The following ARHGAP35 variants were observed in gnomAD, a reference collection of about 807,000 sequenced individuals.
ARHGAP35 encodes rho GTPase-activating protein 35.
A neutral mutation model predicts 111.1 loss-of-function variants in ARHGAP35; 15 were observed. The observed-to-expected ratio is 0.13, with a 90% CI of 0.09 to 0.21. The LOEUF (loss-of-function observed/expected upper bound fraction) is 0.21. Ranked by LOEUF, ARHGAP35 falls within the 10% of genes least tolerant of loss-of-function variation. The pLI is 1.00. For missense variants in ARHGAP35, 1,262 were observed against 1,873.0 expected (o/e 0.67, Z 6.02); for synonymous variants, 643 against 710.3 (o/e 0.91, Z 1.51).
At chr19:46,947,799 G>C (rs1340420517) in intron 3 of ARHGAP35, 1 of 152,212 alleles carries the variant, frequency 6.6e-6, no homozygotes, top group Non-Finnish European at 1.5e-5. Flanking sequence ...GCTTCAAGCT[G>C]GGGTTCCCAT....
intron 3 of ARHGAP35, among the ~76,000 whole-genome samples, chr19:46,984,128 A>G (rs1170580858): frequency 6.6e-6 from 1 of 152,196 alleles, no homozygotes; most frequent in Non-Finnish European, 1.5e-5. Flanking sequence ...AAAGGCCTGC[A>G]GCCAAGGCTA....
At chr19:46,880,409 G>A (rs1599796398) in intron 1 of ARHGAP35, among the ~76,000 whole-genome samples, 1 of 152,260 alleles carries the variant, frequency 6.6e-6, no homozygotes, top group South Asian at 2.1e-4. Context: ...TCCAGCCTGG[G>A]CAACGAGTGA....
rs1419703468 is a variant in ARHGAP35, at chr19:46,926,790, G to A, written c.3681+4434G>A. On this transcript the variant is annotated intron_variant, in intron 2 of 6. Coordinates refer to ENST00000672722, the MANE Select transcript of ARHGAP35 (RefSeq NM_004491.5). This position sits in a 1 kb window ranked among gnomAD's most constrained non-coding sequence, Gnocchi z 4.1. ...TTGACAGTTTGTGTCCCCCCCTAGTGAATTGGCTTATTTCATTGGATTCAG... is the reference window on the plus strand; with the variant it reads ...TTGACAGTTTGTGTCCCCCCCTAGTAAATTGGCTTATTTCATTGGATTCAG... 6.6e-6 allele frequency among the ~76,000 whole-genome samples: 1 copy of A among 152,186 alleles called. No homozygotes were observed. Among genetic ancestry groups the A allele is most frequent in the Admixed American group, 6.5e-5 (1 of 15,282 alleles).
At chr19:46,972,521 C>A (rs547473313) in intron 3 of ARHGAP35, among the ~76,000 whole-genome samples, 2 of 152,264 alleles carry the variant, frequency 1.3e-5, no homozygotes, top group East Asian at 3.9e-4. Context: ...CGGCGCACAG[C>A]CTTTCGTGAG....
At chr19:46,899,657 G>A (rs894942372) in intron 1 of ARHGAP35, among the ~76,000 whole-genome samples, 5 of 150,400 alleles carry the variant, frequency 3.3e-5, no homozygotes, top group Admixed American at 1.3e-4. Flanking sequence ...CCATAATCGC[G>A]CCACTACACT....
intron 1 of ARHGAP35, among the ~76,000 whole-genome samples, chr19:46,889,850 C>T (rs2056015622): frequency 6.6e-6 from 1 of 151,952 alleles, no homozygotes; most frequent in South Asian, 2.1e-4. Flanking sequence ...ACAGTGTGAC[C>T]GCTGAAAAAC....
chr19:46,898,346 A>G (rs1187540614), intron 1 of ARHGAP35, among the ~76,000 whole-genome samples: 1 of 152,212 alleles, frequency 6.6e-6, no homozygotes, highest in African/African-American at 2.4e-5. Flanking sequence ...AGTCAAAAAA[A>G]TATACTTATT....
intron 3 of ARHGAP35, among the ~76,000 whole-genome samples, chr19:46,960,392 G>A (rs56948587): frequency 0.027 from 4,040 of 152,300 alleles, 179 homozygotes; most frequent in African/African-American, 0.091. Context: ...GGAAGCTTAT[G>A]TATGAGACGG....
intron 1 of ARHGAP35, among the ~76,000 whole-genome samples, chr19:46,913,816 C>T (rs1003140819): frequency 1.3e-5 from 2 of 152,144 alleles, no homozygotes; most frequent in East Asian, 3.9e-4. Flanking sequence ...AGGATTAGCA[C>T]TGGAAAATTA....
At chr19:46,981,727 C>T (rs760135607) in intron 3 of ARHGAP35, among the ~76,000 whole-genome samples, 32 of 152,194 alleles carry the variant, frequency 2.1e-4, no homozygotes, top group Non-Finnish European at 2.6e-4. Context: ...ACAGGGCAGT[C>T]GAAGGGCTGA....
At chr19:46,913,167 A>G (rs1410118884) in intron 1 of ARHGAP35, among the ~76,000 whole-genome samples, 1 of 148,554 alleles carries the variant, frequency 6.7e-6, no homozygotes, top group East Asian at 1.9e-4. Flanking sequence ...TATTATGGAT[A>G]ATGGTGGAAG....
chr19:46,888,410 C>T (rs978178718), intron 1 of ARHGAP35, among the ~76,000 whole-genome samples: 13 of 146,552 alleles, frequency 8.9e-5, no homozygotes, highest in Non-Finnish European at 1.3e-4. Flanking sequence ...TCTTAGGCTC[C>T]ACTGGCAGCA....
chr19:46,931,000 G>A (rs544808912), intron 2 of ARHGAP35, among the ~76,000 whole-genome samples: 8 of 151,920 alleles, frequency 5.3e-5, no homozygotes, highest in Non-Finnish European at 7.4e-5. Flanking sequence ...GTATGTGTAC[G>A]TAAATAACTG....
At chr19:46,884,393 T>C (rs1042063099) in intron 1 of ARHGAP35, among the ~76,000 whole-genome samples, 1 of 152,030 alleles carries the variant, frequency 6.6e-6, no homozygotes, top group South Asian at 2.1e-4. Flanking sequence ...TATATACTTA[T>C]AATTCTCATT....
At chr19:46,942,062 A>C (rs976142011) in intron 3 of ARHGAP35, among the ~76,000 whole-genome samples, 2 of 152,054 alleles carry the variant, frequency 1.3e-5, no homozygotes, top group Non-Finnish European at 2.9e-5. Flanking sequence ...CTTAGTGTGC[A>C]TTGGAGGGAT....
intron 1 of ARHGAP35, among the ~76,000 whole-genome samples, chr19:46,880,620 T>A (rs957703129): frequency 6.6e-6 from 1 of 152,154 alleles, no homozygotes; most frequent in Non-Finnish European, 1.5e-5. Flanking sequence ...CAAATTCCTG[T>A]TAATGTTGAT....
At chr19:46,948,511 G>A (rs2056393616) in intron 3 of ARHGAP35, 1 of 152,118 alleles carries the variant, frequency 6.6e-6, no homozygotes, top group East Asian at 1.9e-4. Context: ...CCCCAAACTA[G>A]GAGCCACCCA....
intron 3 of ARHGAP35, among the ~76,000 whole-genome samples, chr19:46,940,990 C>T (rs192499019): frequency 3.9e-5 from 6 of 152,258 alleles, no homozygotes; most frequent in East Asian, 1.9e-4. Flanking sequence ...TCCTCCTTCC[C>T]GGACTCAGGA....
chr19:46,919,679 G>T lies in ARHGAP35; in HGVS notation c.1004G>T (p.Arg335Leu). 6.2e-7 allele frequency: 1 copy of T among 1,613,968 alleles called. No individual in the cohort carries two copies. Among genetic ancestry groups the T allele is most frequent in the Middle Eastern group, 1.7e-4 (1 of 6,060 alleles). Residue 335 changes from arginine to leucine, a missense_variant, in exon 2 of 7, where the codon CGT becomes CTT. By Grantham distance (102) the Arg-to-Leu change is moderately radical. This residue lies in a region of ARHGAP35 where 328 missense variants were observed against 440.8 expected (regional missense o/e 0.74). Transcript: ENST00000672722. This position sits in a 1 kb window ranked among gnomAD's most constrained non-coding sequence, Gnocchi z 6.2. ...CGCCTCAAGCATGAGCATATCGAGC[G>T]TAGGAGAAAGCTGTACCTGGCAGCC... ...IHRLKHEHIE[R>L]RRKLYLAALP... is the part of the protein sequence containing the mutation.
Sources: allele counts gnomAD v4.1 joint callset (sites outside exome capture counted in the v4.1 genomes callset), GRCh38; gene constraint gnomAD v4.1.1; regional missense constraint gnomAD v4.1.1; non-coding constraint Gnocchi (gnomAD v3.1); transcripts MANE v1.5; gene names NCBI Gene and HGNC (gene_info 2026-07-23, HGNC 2026-07-21).